SH3RF1: variants seen among roughly 807,000 people sequenced by gnomAD.
The protein encoded by SH3RF1 is E3 ubiquitin-protein ligase SH3RF1.
In SH3RF1, 32 loss-of-function variants were observed where a neutral mutation model predicts 74.0. The ratio of observed to expected loss-of-function variants is 0.43; its 90% CI spans 0.33 to 0.58. The LOEUF (loss-of-function observed/expected upper bound fraction) is 0.58, where lower values mean the gene tolerates loss of function less well. Ranked by LOEUF, SH3RF1 falls within the 20% of genes least tolerant of loss-of-function variation. The pLI, the probability that SH3RF1 is intolerant of heterozygous loss-of-function variation, is 0.05. For missense variants in SH3RF1, 954 were observed against 1,130.9 expected (o/e 0.84, Z 2.24); for synonymous variants, 396 against 439.6 (o/e 0.90, Z 1.24).
chr4:169,124,304 AAAAAG>A (rs891455059), intron 6 of SH3RF1, among the ~76,000 whole-genome samples: 1 of 152,230 alleles, frequency 6.6e-6, no homozygotes, highest in African/African-American at 2.4e-5. Flanking sequence ...AATTTGACCT[AAAAAG>A]AAAAGGACAA....
chr4:169,151,684 A>G (rs1270366696), intron 4 of SH3RF1, among the ~76,000 whole-genome samples: 1 of 152,158 alleles, frequency 6.6e-6, no homozygotes, highest in Non-Finnish European at 1.5e-5. Context: ...CTATGAGGCC[A>G]CTCCAACTTC....
At chr4:169,230,745 G>C (rs549998744) in intron 2 of SH3RF1, among the ~76,000 whole-genome samples, 1 of 151,610 alleles carries the variant, frequency 6.6e-6, no homozygotes, top group Non-Finnish European at 1.5e-5. Flanking sequence ...TGTAGTCCCA[G>C]CTACTCAGGA....
At chr4:169,178,355 T>TAAAAAAATAAGCAACTATGCTTATTTA (rs1734456913) in intron 2 of SH3RF1, among the ~76,000 whole-genome samples, 2 of 117,616 alleles carry the variant, frequency 1.7e-5, no homozygotes, top group Admixed American at 9.0e-5. Context: ...TATGCTTATT[T>TAAAAAAATAAGCAACTATGCTTATTTA]AAAAAAATAA....
intron 4 of SH3RF1, among the ~76,000 whole-genome samples, chr4:169,154,881 A>G (rs1734027349): frequency 6.6e-6 from 1 of 152,306 alleles, no homozygotes; most frequent in Middle Eastern, 3.4e-3. Context: ...TTATTCTTTA[A>G]AGTAATACAA....
chr4:169,142,786 A>G (rs1733807638), intron 4 of SH3RF1, among the ~76,000 whole-genome samples: 1 of 152,228 alleles, frequency 6.6e-6, no homozygotes, highest in African/African-American at 2.4e-5. Context: ...GCCCATTTAC[A>G]TCCTCTCAGC....
chr4:169,109,921 G>A (rs1332651898), intron 10 of SH3RF1, among the ~76,000 whole-genome samples: 1 of 151,646 alleles, frequency 6.6e-6, no homozygotes, highest in African/African-American at 2.4e-5. Context: ...AGGTGGGAGG[G>A]AGGGTTGCTT....
At position 169,173,938 on chromosome 4, in the gene SH3RF1, T is replaced by C. The variant is rs551598890; in HGVS notation, c.394-17259A>G. On this transcript the variant is annotated intron_variant, in intron 2 of 11. Coordinates refer to ENST00000284637, the MANE Select transcript of SH3RF1 (RefSeq NM_020870.4). ...GATCACCCTACCCACACACCACCAC[T>C]ACCAAATACCTGACTTTAAGGATAC... 1.5e-4 allele frequency among the ~76,000 whole-genome samples: 23 copies of C among 152,060 alleles called. No homozygotes were observed. In the South Asian group the frequency reaches 1.7e-3, roughly 11 times the overall value.
At chr4:169,197,624 CAA>C (rs530886905) in intron 2 of SH3RF1, among the ~76,000 whole-genome samples, 6 of 114,106 alleles carry the variant, frequency 5.3e-5, no homozygotes, top group African/African-American at 6.8e-5. Context: ...GACTCTGTCT[CAA>C]AAAAAAAAAA....
At chr4:169,212,057 C>CTTTTTTTT (rs34108534) in intron 2 of SH3RF1, among the ~76,000 whole-genome samples, 40 of 48,252 alleles carry the variant, frequency 8.3e-4, no homozygotes, top group African/African-American at 1.2e-3. Flanking sequence ...CTTTTCTTTT[C>CTTTTTTTT]TTTTTTTTTT....
intron 2 of SH3RF1, among the ~76,000 whole-genome samples, chr4:169,235,806 G>C (rs560110598): frequency 2.6e-5 from 4 of 151,992 alleles, no homozygotes; most frequent in African/African-American, 9.6e-5. Context: ...TCAGCCTCCT[G>C]AGTAGCTGGG....
chr4:169,227,537 A>G (rs1730670122), intron 2 of SH3RF1, among the ~76,000 whole-genome samples: 1 of 152,234 alleles, frequency 6.6e-6, no homozygotes, highest in Admixed American at 6.5e-5. Flanking sequence ...CCACAGCAAT[A>G]GAATGTTTAA....
At chr4:169,230,492 TA>T (rs1730720080) in intron 2 of SH3RF1, among the ~76,000 whole-genome samples, 2 of 152,144 alleles carry the variant, frequency 1.3e-5, no homozygotes, top group African/African-American at 4.8e-5. Flanking sequence ...TGTTTTTCTA[TA>T]AAAAATAGAA....
intron 11 of SH3RF1, among the ~76,000 whole-genome samples, chr4:169,100,727 G>A (rs1733007010): frequency 6.6e-6 from 1 of 152,178 alleles, no homozygotes; most frequent in Admixed American, 6.6e-5. Context: ...CTGTGAGCAA[G>A]GTTAATCCTC....
At chr4:169,100,640 C>G (rs1733005183) in intron 11 of SH3RF1, among the ~76,000 whole-genome samples, 1 of 152,176 alleles carries the variant, frequency 6.6e-6, no homozygotes, top group Non-Finnish European at 1.5e-5. Flanking sequence ...ATGCAGAGCT[C>G]ACATACTAAT....
intron 10 of SH3RF1, among the ~76,000 whole-genome samples, chr4:169,112,615 T>A (rs1281748588): frequency 1.3e-5 from 2 of 152,190 alleles, no homozygotes; most frequent in Non-Finnish European, 2.9e-5. Flanking sequence ...AAGGTACTGA[T>A]GTGATCTCCC....
chr4:169,125,244 C>T (rs1339069235), intron 6 of SH3RF1, among the ~76,000 whole-genome samples: 2 of 152,150 alleles, frequency 1.3e-5, no homozygotes, highest in African/African-American at 4.8e-5. Flanking sequence ...CCTCTTGGGG[C>T]AGTCCTCGAC....
In SH3RF1 at chr4:169,132,159, C is replaced by T. The variant is rs576609700; in HGVS notation, c.1069-2003G>A. ...ACGCGAAGTACATGGACACCCTCCA[C>T]TGGTAACAGACATTATTATCAAGGA... On this transcript the variant is annotated intron_variant, in intron 5 of 11. Transcript: ENST00000284637. Among the ~76,000 whole-genome samples the T allele has an allele frequency of 1.4e-4, 21 of 152,370 alleles. No individual in the cohort carries two copies. The South Asian group carries it at 4.1e-3, about 30-fold the overall frequency.
intron 5 of SH3RF1, among the ~76,000 whole-genome samples, chr4:169,131,890 G>A (rs979883788): frequency 6.6e-6 from 1 of 152,328 alleles, no homozygotes; most frequent in African/African-American, 2.4e-5. Flanking sequence ...TTTAGCCTCT[G>A]ATTGGTTGCT....
At chr4:169,130,545 G>C (rs1274038294) in intron 5 of SH3RF1, among the ~76,000 whole-genome samples, 6 of 152,158 alleles carry the variant, frequency 3.9e-5, no homozygotes, top group Non-Finnish European at 8.8e-5. Flanking sequence ...GGTGGGTAGT[G>C]GCTGAACACT....
Sources: allele counts gnomAD v4.1 joint callset (sites outside exome capture counted in the v4.1 genomes callset), GRCh38; gene constraint gnomAD v4.1.1; transcripts MANE v1.5; gene names NCBI Gene and HGNC (gene_info 2026-07-23, HGNC 2026-07-21).